The following PTPRD variants were observed in gnomAD, a reference collection of about 807,000 sequenced individuals.
PTPRD encodes receptor-type tyrosine-protein phosphatase delta.
A neutral mutation model predicts 214.5 loss-of-function variants in PTPRD; 34 were observed. The observed-to-expected ratio is 0.16, with a 90% CI of 0.12 to 0.21. PTPRD has a LOEUF of 0.21. Among genes scored for constraint, PTPRD ranks in the 10% least tolerant of loss-of-function variants. The pLI is 1.00. For missense variants in PTPRD, 2,545 were observed against 2,398.7 expected, an observed-to-expected ratio of 1.06 and a Z score of -1.27; for synonymous variants, 1,128 against 845.7, an observed-to-expected ratio of 1.33 and a Z score of -5.79.
At chr9:8,389,183 A>G (rs1488020186) in intron 37 of PTPRD, 49 bp downstream of exon 37, 2 of 1,498,504 alleles carry the variant, frequency 1.3e-6, no homozygotes, top group East Asian at 4.6e-5. Flanking sequence ...CAACATAGGG[A>G]CTCTGAGGGA....
At chr9:9,114,682 A>G (rs565611522) in intron 10 of PTPRD, among the ~76,000 whole-genome samples, 1 of 152,238 alleles carries the variant, frequency 6.6e-6, no homozygotes, top group African/African-American at 2.4e-5. Flanking sequence ...TCCCTGAACA[A>G]AAATTTTACA....
chr9:9,330,856 T>G (rs575620317), intron 9 of PTPRD, among the ~76,000 whole-genome samples: 1 of 151,648 alleles, frequency 6.6e-6, no homozygotes, highest in African/African-American at 2.4e-5. Flanking sequence ...TCTAGTAATA[T>G]TGATTTATTA....
intron 2 of PTPRD, among the ~76,000 whole-genome samples, chr9:10,377,829 T>G (rs1426027324): frequency 6.6e-6 from 1 of 152,044 alleles, no homozygotes; most frequent in East Asian, 1.9e-4. Context: ...ACTTAGGTTG[T>G]TTTCAATTTT....
chr9:10,207,106 A>T (rs1044217694), intron 3 of PTPRD, among the ~76,000 whole-genome samples: 2 of 152,170 alleles, frequency 1.3e-5, no homozygotes, highest in African/African-American at 4.8e-5. Flanking sequence ...ACTTCAAACA[A>T]GATATAGAAT....
At chr9:8,794,228 A>G (rs2154513701) in intron 11 of PTPRD, among the ~76,000 whole-genome samples, 1 of 152,322 alleles carries the variant, frequency 6.6e-6, no homozygotes, top group South Asian at 2.1e-4. Context: ...ACTGCAAAAA[A>G]TAAATGTGAA....
At chr9:8,632,902 G>A (rs7357622) in intron 14 of PTPRD, among the ~76,000 whole-genome samples, 1 of 151,928 alleles carries the variant, frequency 6.6e-6, no homozygotes, top group Non-Finnish European at 1.5e-5. Context: ...TTCATCTTTA[G>A]GCTAAGGTTC....
chr9:8,868,820 C>A (rs1208321353), intron 11 of PTPRD, among the ~76,000 whole-genome samples: 1 of 152,090 alleles, frequency 6.6e-6, no homozygotes, highest in African/African-American at 2.4e-5. Flanking sequence ...CCCATTCATC[C>A]CGCTGCTCAT....
intron 2 of PTPRD, among the ~76,000 whole-genome samples, chr9:10,356,970 C>G (rs1408043877): frequency 1.3e-5 from 2 of 152,078 alleles, no homozygotes; most frequent in Non-Finnish European, 2.9e-5. Context: ...TGTGAGCCAC[C>G]ACGCCCGGCC....
intron 11 of PTPRD, among the ~76,000 whole-genome samples, chr9:8,836,484 T>C (rs922422511): frequency 8.7e-5 from 13 of 149,500 alleles, no homozygotes; most frequent in African/African-American, 3.2e-4. Flanking sequence ...ACCAACAAAA[T>C]CCATCCTAAC....
chr9:9,698,303 C>A (rs2097421988), intron 7 of PTPRD, among the ~76,000 whole-genome samples: 1 of 152,132 alleles, frequency 6.6e-6, no homozygotes, highest in African/African-American at 2.4e-5. Flanking sequence ...TTAGAGGTTT[C>A]TTTGCAATAT....
chr9:10,194,288 T>G (rs2154325252), intron 3 of PTPRD, among the ~76,000 whole-genome samples: 2 of 147,742 alleles, frequency 1.4e-5, no homozygotes, highest in South Asian at 2.2e-4. Flanking sequence ...GCAAATTAAC[T>G]ACCATTTGCT....
At position 9,100,763 on chromosome 9, in the gene PTPRD, C is replaced by G. The variant is rs570290152; in HGVS notation, c.-142-82028G>C. On this transcript the variant is annotated intron_variant, in intron 10 of 45. Coordinates refer to ENST00000381196, the MANE Select transcript of PTPRD (RefSeq NM_002839.4). ...ACCTTCAAAATTATGTATTGGAAATCTTAGTATTAGAATCTAGATATAAAA... is the reference window on the plus strand; with the variant it reads ...ACCTTCAAAATTATGTATTGGAAATGTTAGTATTAGAATCTAGATATAAAA... 7.5e-4 allele frequency among the ~76,000 whole-genome samples: 114 copies of G among 152,138 alleles called. 1 individual carries two copies. In the Middle Eastern group the frequency reaches 0.01, roughly 14 times the overall value.
At chr9:10,509,470 C>CCATCTATCTATCT (rs1555449734) in intron 2 of PTPRD, among the ~76,000 whole-genome samples, 1 of 138,120 alleles carries the variant, frequency 7.2e-6, no homozygotes, top group East Asian at 2.1e-4. Context: ...TTGATTGATC[C>CCATCTATCTATCT]ATCTATCTAT....
intron 7 of PTPRD, among the ~76,000 whole-genome samples, chr9:9,692,131 T>G (rs1357268438): frequency 6.6e-6 from 1 of 152,102 alleles, no homozygotes; most frequent in Non-Finnish European, 1.5e-5. Context: ...AAACTTGATG[T>G]GATTCCATTT....
intron 4 of PTPRD, among the ~76,000 whole-genome samples, chr9:10,029,138 A>T (rs907990663): frequency 2.0e-5 from 3 of 152,220 alleles, no homozygotes; most frequent in African/African-American, 7.2e-5. Flanking sequence ...CACAGAAGTC[A>T]AGAACTGGAG....
chr9:8,521,299 T>C lies in PTPRD; in HGVS notation c.939A>G (p.Ala313=), dbSNP rs2138855145. The change falls in exon 20 of 46, where the codon GCA becomes GCG. Residue 313 remains alanine, a synonymous_variant. Coordinates refer to ENST00000381196, the MANE Select transcript of PTPRD (RefSeq NM_002839.4). The part of the protein sequence containing the change: ...VAMSTLGVIE[A]IAQITVKALP... ...TACCTTTGACAGTGATCTGTGCTAT[T>C]GCTTCAATGACACCCAGTGTTGACA... is the stretch of plus-strand genomic sequence containing the variant. 1.2e-6 allele frequency: 2 copies of C among 1,613,696 alleles called. No homozygotes were observed. The highest frequency in any genetic ancestry group is 2.2e-5 in the South Asian group (2 of 91,056).
intron 2 of PTPRD, among the ~76,000 whole-genome samples, chr9:10,370,132 C>T (rs1231580088): frequency 2.6e-5 from 4 of 152,072 alleles, no homozygotes; most frequent in Non-Finnish European, 4.4e-5. Flanking sequence ...CTTGAACCAT[C>T]ACTTATTTGA....
intron 3 of PTPRD, among the ~76,000 whole-genome samples, chr9:10,211,778 T>C (rs548950227): frequency 6.0e-4 from 91 of 152,010 alleles, no homozygotes; most frequent in Non-Finnish European, 1.2e-3. Flanking sequence ...CACAGAATAA[T>C]AGGCATTGGG....
chr9:8,477,114 T>C (rs2096780722), intron 30 of PTPRD, among the ~76,000 whole-genome samples: 1 of 150,428 alleles, frequency 6.6e-6, no homozygotes, highest in African/African-American at 2.5e-5. Context: ...AAGAACTTGC[T>C]TGAAATGAAA....
Sources: allele counts gnomAD v4.1 joint callset (sites outside exome capture counted in the v4.1 genomes callset), GRCh38; gene constraint gnomAD v4.1.1; transcripts MANE v1.5; gene names NCBI Gene and HGNC (gene_info 2026-07-23, HGNC 2026-07-21).